The following NEGR1 variants were observed in gnomAD, a reference collection of about 807,000 sequenced individuals.
NEGR1 encodes IgLON family member 4.
NEGR1 carries 10 observed loss-of-function variants against 40.9 expected under a neutral mutation model. The ratio of observed to expected loss-of-function variants is 0.24; its 90% CI spans 0.15 to 0.42. The LOEUF (loss-of-function observed/expected upper bound fraction) is 0.42, where lower values mean the gene tolerates loss of function less well. Among genes scored for constraint, NEGR1 ranks in the 10% least tolerant of loss-of-function variants. The pLI is 1.00. For synonymous variants in NEGR1, 185 were observed against 166.8 expected, an observed-to-expected ratio of 1.11 and a Z score of -0.84; for missense variants, 352 against 438.9, an observed-to-expected ratio of 0.80 and a Z score of 1.77.
At chr1:71,646,476 GA>G (rs1651534444) in intron 4 of NEGR1, among the ~76,000 whole-genome samples, 1 of 151,698 alleles carries the variant, frequency 6.6e-6, no homozygotes, top group Non-Finnish European at 1.5e-5. Context: ...ATTTTTTCCT[GA>G]AAATTATAGG....
At chr1:72,007,020 G>A (rs975596837) in intron 1 of NEGR1, among the ~76,000 whole-genome samples, 15 of 151,926 alleles carry the variant, frequency 9.9e-5, no homozygotes, top group Non-Finnish European at 2.2e-4. Flanking sequence ...CTGTTAATAA[G>A]GTCTAATACC....
intron 1 of NEGR1, among the ~76,000 whole-genome samples, chr1:71,956,289 A>T (rs1014205056): frequency 3.3e-5 from 5 of 152,186 alleles, no homozygotes; most frequent in African/African-American, 1.2e-4. Context: ...TGAATATATT[A>T]ATAGTTGAAT....
chr1:72,234,155 A>T (rs1654472860), intron 1 of NEGR1, among the ~76,000 whole-genome samples: 1 of 151,890 alleles, frequency 6.6e-6, no homozygotes, highest in South Asian at 2.1e-4. Flanking sequence ...ACTCTGATAG[A>T]CACCAGTGTG....
intron 1 of NEGR1, among the ~76,000 whole-genome samples, chr1:72,196,869 T>C (rs1415765031): frequency 1.3e-5 from 2 of 152,110 alleles, no homozygotes; most frequent in African/African-American, 4.8e-5. Flanking sequence ...CAAAAAGTCA[T>C]TTTAATAATT....
intron 1 of NEGR1, among the ~76,000 whole-genome samples, chr1:72,077,653 TAA>T (rs1647805618): frequency 6.6e-6 from 1 of 150,664 alleles, no homozygotes; most frequent in Non-Finnish European, 1.5e-5. Flanking sequence ...AATAAATAAA[TAA>T]ATAAATAAAT....
intron 6 of NEGR1, among the ~76,000 whole-genome samples, chr1:71,436,229 CA>C (rs376091954): frequency 0.022 from 2,636 of 122,524 alleles, 32 homozygotes; most frequent in African/African-American, 0.041. Flanking sequence ...GTGAATATGG[CA>C]AAAAAAAAAA....
At chr1:72,199,142 TAGACAGACAGAGAG>T (rs1293215876) in intron 1 of NEGR1, among the ~76,000 whole-genome samples, 5 of 143,066 alleles carry the variant, frequency 3.5e-5, no homozygotes, top group African/African-American at 1.1e-4. Flanking sequence ...TCTATCTAGA[TAGACAGACAGAGAG>T]AGAGAGAGAG....
intron 6 of NEGR1, chr1:71,487,867 C>T (rs184923953): frequency 1.3e-5 from 2 of 151,652 alleles, no homozygotes; most frequent in East Asian, 3.9e-4. Flanking sequence ...AACAATTAAT[C>T]CTATATTCTT....
At chr1:71,846,383 C>CA (rs1659411550) in intron 2 of NEGR1, among the ~76,000 whole-genome samples, 2 of 130,780 alleles carry the variant, frequency 1.5e-5, no homozygotes. Context: ...ACCCACCCAC[C>CA]CACACACACA....
At chr1:71,522,114 A>G (rs979119582) in intron 6 of NEGR1, among the ~76,000 whole-genome samples, 1 of 152,006 alleles carries the variant, frequency 6.6e-6, no homozygotes, top group Non-Finnish European at 1.5e-5. Flanking sequence ...CCTTGGTTCT[A>G]AATAAATATG....
At chr1:71,732,790 T>C (rs1430051658) in intron 3 of NEGR1, among the ~76,000 whole-genome samples, 4 of 152,180 alleles carry the variant, frequency 2.6e-5, no homozygotes, top group Non-Finnish European at 5.9e-5. Context: ...AATCAGAGAA[T>C]GTGGCATTTC....
chr1:71,527,281 C>G (rs1430621494), intron 6 of NEGR1, among the ~76,000 whole-genome samples: 1 of 151,458 alleles, frequency 6.6e-6, no homozygotes, highest in Non-Finnish European at 1.5e-5. Flanking sequence ...ACAGAAACCA[C>G]AGAAGGTGAC....
At chr1:71,540,687 A>G (rs1454529219) in intron 6 of NEGR1, among the ~76,000 whole-genome samples, 2 of 151,780 alleles carry the variant, frequency 1.3e-5, no homozygotes, top group Non-Finnish European at 2.9e-5. Flanking sequence ...ACTAAGACTT[A>G]GTCATATGAG....
chr1:71,996,973 C>T (rs2100371440), intron 1 of NEGR1, among the ~76,000 whole-genome samples: 1 of 152,108 alleles, frequency 6.6e-6, no homozygotes, highest in Non-Finnish European at 1.5e-5. Context: ...CACCTCCCTA[C>T]TATAATTCAC....
chr1:71,451,168 C>T (rs1243738450), intron 6 of NEGR1, among the ~76,000 whole-genome samples: 3 of 152,152 alleles, frequency 2.0e-5, no homozygotes, highest in Non-Finnish European at 2.9e-5. Context: ...GGCAGACAGG[C>T]TTGTTCAAAA....
At chr1:72,013,923 G>T (rs572018791) in intron 1 of NEGR1, among the ~76,000 whole-genome samples, 1 of 141,572 alleles carries the variant, frequency 7.1e-6, no homozygotes, top group African/African-American at 2.6e-5. Flanking sequence ...AAGAAAGTGT[G>T]TGGGAAGAAT....
chr1:72,093,905 G>C (rs1376703512), intron 1 of NEGR1, among the ~76,000 whole-genome samples: 1 of 152,064 alleles, frequency 6.6e-6, no homozygotes, highest in East Asian at 1.9e-4. Flanking sequence ...AAAACAGATA[G>C]GAAATCACAG....
intron 3 of NEGR1, among the ~76,000 whole-genome samples, chr1:71,744,317 A>G (rs1001434833): frequency 7.3e-6 from 1 of 137,144 alleles, no homozygotes; most frequent in African/African-American, 2.6e-5. Context: ...TGCTTGGTAA[A>G]TGGAGCACAT....
intron 2 of NEGR1, among the ~76,000 whole-genome samples, chr1:71,927,983 G>A (rs950046809): frequency 6.8e-6 from 1 of 146,732 alleles, no homozygotes; most frequent in Admixed American, 7.0e-5. Context: ...TGGACACAGA[G>A]TGAGATGCTG....
Sources: gnomAD v4.1 joint callset for allele counts (sites outside exome capture counted in the v4.1 genomes callset) on GRCh38, gnomAD v4.1.1 for gene constraint, MANE v1.5 for transcripts, NCBI Gene and HGNC (gene_info 2026-07-23, HGNC 2026-07-21) for gene names.